The following ICE2 variants were observed in gnomAD, a reference collection of about 807,000 sequenced individuals.
ICE2 encodes the protein little elongation complex subunit 2.
In ICE2, 87 loss-of-function variants were observed where a neutral mutation model predicts 105.4. The ratio of observed to expected loss-of-function variants is 0.83; its 90% CI spans 0.69 to 0.99. The LOEUF is 0.99. Ranked by LOEUF, ICE2 falls within the 50% of genes least tolerant of loss-of-function variation. ICE2 has a pLI of 0.00. For missense variants in ICE2, 1,323 were observed against 1,146.7 expected (o/e 1.15, Z -2.22); for synonymous variants, 399 against 392.0 (o/e 1.02, Z -0.21).
At chr15:60,469,758 T>A (rs1488346807) in intron 3 of ICE2, among the ~76,000 whole-genome samples, 1 of 152,214 alleles carries the variant, frequency 6.6e-6, no homozygotes, top group Non-Finnish European at 1.5e-5. Context: ...TACTCCCAAA[T>A]AAATTTCTTT....
chr15:60,469,406 C>A (rs948527261), intron 3 of ICE2, among the ~76,000 whole-genome samples: 1 of 151,774 alleles, frequency 6.6e-6, no homozygotes, highest in Non-Finnish European at 1.5e-5. Context: ...CGTTTACCTA[C>A]GTAACAAACC....
chr15:60,446,396 T>A, intron 11 of ICE2, among the ~76,000 whole-genome samples: 1 of 152,106 alleles, frequency 6.6e-6, no homozygotes, highest in Non-Finnish European at 1.5e-5. Flanking sequence ...AAGTTGGCAC[T>A]TTTTAAAAAT....
At chr15:60,455,818 A>G (rs1419240633) in intron 6 of ICE2, among the ~76,000 whole-genome samples, 1 of 152,064 alleles carries the variant, frequency 6.6e-6, no homozygotes, top group Non-Finnish European at 1.5e-5. Flanking sequence ...GGGTTTCGTC[A>G]TATTGGCCAG....
intron 9 of ICE2, chr15:60,451,222 TA>T (rs2063958372): frequency 6.7e-6 from 4 of 598,248 alleles, no homozygotes; most frequent in African/African-American, 2.0e-5. Flanking sequence ...AAAGTATGAA[TA>T]ATAATAAACG....
At chr15:60,462,302 TA>T (rs975450334) in intron 5 of ICE2, among the ~76,000 whole-genome samples, 2 of 152,128 alleles carry the variant, frequency 1.3e-5, no homozygotes, top group African/African-American at 4.8e-5. Context: ...TTAGTTGACA[TA>T]AAATTTCAGT....
At chr15:60,457,984 A>G (rs948780885) in intron 5 of ICE2, among the ~76,000 whole-genome samples, 2 of 152,188 alleles carry the variant, frequency 1.3e-5, no homozygotes, top group African/African-American at 2.4e-5. Flanking sequence ...CATTCTTGTT[A>G]CATATTCATT....
At chr15:60,435,268 G>A (rs888207189) in intron 13 of ICE2, among the ~76,000 whole-genome samples, 28 of 146,404 alleles carry the variant, frequency 1.9e-4, no homozygotes, top group Admixed American at 3.4e-4. Flanking sequence ...GCAACAGAGC[G>A]AGACTCCGTC....
intron 3 of ICE2, among the ~76,000 whole-genome samples, chr15:60,474,876 C>G (rs2064713484): frequency 6.6e-6 from 1 of 152,156 alleles, no homozygotes; most frequent in Non-Finnish European, 1.5e-5. Context: ...AACCCCAGCA[C>G]TTTGGGAGGC....
chr15:60,438,015 A>G (rs1215993529), intron 12 of ICE2: 2 of 152,198 alleles, frequency 1.3e-5, no homozygotes, highest in African/African-American at 4.8e-5. Context: ...CCAAAAAACA[A>G]AACAGCAAAT....
Position 60,442,449 on chromosome 15 carries a change from T to A in ICE2, c.2392A>T (p.Ser798Cys), listed in dbSNP as rs1337444622. The A allele has an allele frequency of 1.9e-6, 3 of 1,593,702 alleles. No homozygotes were observed. Among genetic ancestry groups the A allele is most frequent in the Non-Finnish European group, 2.6e-6 (3 of 1,175,978 alleles). The change falls in exon 12 of 16, where the codon AGT becomes TGT. Residue 798 changes from serine (S) to cysteine (C), a missense_variant. Ser to Cys is a moderately radical substitution (Grantham distance 112, BLOSUM62 -1). Coordinates refer to ENST00000261520, the MANE Select transcript of ICE2 (RefSeq NM_024611.6). ...ESELCRLWTE[S>C]LLHSNSSFYV... is the part of the protein sequence containing the mutation. ...AATGAGCTGTTGGAATGCAATAAAC[T>A]TTCAGTCCATAAGCGACAAAGTTCA...
chr15:60,467,391 ATAAAT>A (rs1203712854), intron 4 of ICE2, among the ~76,000 whole-genome samples: 1 of 152,266 alleles, frequency 6.6e-6, no homozygotes, highest in Non-Finnish European at 1.5e-5. Context: ...ATTAGTAATC[ATAAAT>A]TAAATTAATG....
At chr15:60,466,545 C>T (rs375429462) in intron 5 of ICE2, 49 bp downstream of exon 5, 2 of 1,596,998 alleles carry the variant, frequency 1.3e-6, no homozygotes, top group South Asian at 1.1e-5. Context: ...CAGAATGCTG[C>T]TATTGCCTAT....
intron 12 of ICE2, chr15:60,441,022 ATTT>A (rs940684182): frequency 6.8e-6 from 1 of 148,074 alleles, no homozygotes; most frequent in South Asian, 2.1e-4. Context: ...TGAAACCTTA[ATTT>A]TTTTTTTTGT....
At position 60,478,009 on chromosome 15, in the gene ICE2, A is replaced by G. The variant is rs771609563; in HGVS notation, c.-32T>C. On this transcript the variant is annotated 5_prime_UTR_variant, in exon 2 of 16. Transcript: ENST00000261520. ...AGATTTCTGCTTCACTCTAGCTCAC[A>G]GTTCACAGCTGCCTGGCTGCGAAGG... 1.2e-6 allele frequency: 2 copies of G among 1,608,564 alleles called. No individual in the cohort carries two copies. Among genetic ancestry groups the G allele is most frequent in the Non-Finnish European group, 1.7e-6 (2 of 1,175,052 alleles).
chr15:60,431,507 T>C (rs535961720), intron 14 of ICE2, among the ~76,000 whole-genome samples: 2 of 152,176 alleles, frequency 1.3e-5, no homozygotes, highest in Non-Finnish European at 2.9e-5. Context: ...AGTCAACGAA[T>C]ACAGGTGGTC....
rs987989457 is a variant in ICE2 at position 60,432,037 on chromosome 15, A to G, written c.2511-53T>C. The G allele has an allele frequency of 8.8e-6, 8 of 911,324 alleles. No homozygotes were observed. The Admixed American group carries it at 1.4e-4, about 16-fold the overall frequency. The allele number at this position is 911,324 out of a possible 1,614,324, so 56.5% of individuals were successfully genotyped here. On this transcript the variant is annotated intron_variant, in intron 13 of 15. Coordinates refer to ENST00000261520, the MANE Select transcript of ICE2 (RefSeq NM_024611.6). Reference sequence around the variant, plus strand: ...ATTAAACTGCAAAAAACTTACTTTTAGCAATTATAGCTCCTCAGGCAGAGA... The same window carrying G: ...ATTAAACTGCAAAAAACTTACTTTTGGCAATTATAGCTCCTCAGGCAGAGA...
intron 11 of ICE2, among the ~76,000 whole-genome samples, chr15:60,443,341 C>T (rs889767721): frequency 6.6e-6 from 1 of 152,202 alleles, no homozygotes; most frequent in Non-Finnish European, 1.5e-5. Flanking sequence ...ACTTATAAGG[C>T]TAATTAGTAC....
chr15:60,448,391 C>T (rs1164466539), intron 10 of ICE2, among the ~76,000 whole-genome samples: 5 of 152,242 alleles, frequency 3.3e-5, no homozygotes, highest in African/African-American at 7.2e-5. Context: ...AGTATAAATT[C>T]GTGAGACAGC....
chr15:60,458,187 T>C (rs2064177961), intron 5 of ICE2, among the ~76,000 whole-genome samples: 1 of 151,808 alleles, frequency 6.6e-6, no homozygotes, highest in African/African-American at 2.4e-5. Flanking sequence ...ATTATTTAGC[T>C]TATGTAGCAA....
Sources: gnomAD v4.1 joint callset for allele counts (sites outside exome capture counted in the v4.1 genomes callset) on GRCh38, gnomAD v4.1.1 for gene constraint, MANE v1.5 for transcripts, NCBI Gene and HGNC (gene_info 2026-07-23, HGNC 2026-07-21) for gene names.